ZNF552: variants seen among roughly 807,000 people sequenced by gnomAD.
ZNF552 encodes zinc finger protein 552.
Under a neutral mutation model 7.2 loss-of-function variants are expected in ZNF552, and 2 were observed. The ratio of observed to expected loss-of-function variants is 0.28; its 90% CI spans 0.11 to 0.88. The LOEUF (loss-of-function observed/expected upper bound fraction) is 0.88, where lower values mean the gene tolerates loss of function less well. Ranked by LOEUF, ZNF552 falls within the 40% of genes least tolerant of loss-of-function variation. ZNF552 has a pLI of 0.60. For synonymous variants in ZNF552, 173 were observed against 176.5 expected (o/e 0.98, Z 0.16); for missense variants, 421 against 493.4 (o/e 0.85, Z 1.39).
chr19:57,812,463 G>A (rs1307812209), intron 2 of ZNF552, among the ~76,000 whole-genome samples: 3 of 152,070 alleles, frequency 2.0e-5, no homozygotes, highest in Non-Finnish European at 4.4e-5. Flanking sequence ...CCAAGTACAT[G>A]AGACATACAT....
At chr19:57,809,682 C>T (rs961745049) in intron 2 of ZNF552, among the ~76,000 whole-genome samples, 4 of 151,458 alleles carry the variant, frequency 2.6e-5, no homozygotes, top group African/African-American at 9.7e-5. Context: ...AGGAGTACAA[C>T]TGACAATTCT....
At chr19:57,814,434 C>A (rs1432669770) in intron 1 of ZNF552, 20 of 1,323,638 alleles carry the variant, frequency 1.5e-5, no homozygotes, top group Non-Finnish European at 2.1e-5. Context: ...AGGAGGAGTT[C>A]CGCCTCACAG....
chr19:57,813,083 T>G, intron 2 of ZNF552: 1 of 727,608 alleles, frequency 1.4e-6, no homozygotes, highest in South Asian at 3.1e-5. Flanking sequence ...GTAAGACTTC[T>G]GACTCTGAAT....
chr19:57,813,325 C>G lies in ZNF552; in HGVS notation c.129G>C (p.Thr43=), dbSNP rs417518. ...EAQRCLYRDV[T]LENLALMSSL... ...AGGACATAAGTGCCAGGTTCTCCAG[C>G]GTCACATCACGGTACAGGCATCTCT... The change falls in exon 2 of 3, where the codon ACG becomes ACC. Residue 43 remains threonine (T), a synonymous_variant. Coordinates refer to ENST00000391701, the MANE Select transcript of ZNF552 (RefSeq NM_024762.3). 1 of 1,613,980 alleles carries G rather than the reference C, an allele frequency of 6.2e-7. No individual in the cohort carries two copies. Among genetic ancestry groups the G allele is most frequent in the Non-Finnish European group, 8.5e-7 (1 of 1,180,038 alleles).
intron 2 of ZNF552, among the ~76,000 whole-genome samples, chr19:57,812,369 T>G (rs1448096511): frequency 6.6e-6 from 1 of 152,098 alleles, no homozygotes; most frequent in Non-Finnish European, 1.5e-5. Flanking sequence ...GGATGCTATT[T>G]TTCAGGGACT....
At chr19:57,810,188 G>T (rs773267190) in intron 2 of ZNF552, among the ~76,000 whole-genome samples, 16 of 151,842 alleles carry the variant, frequency 1.1e-4, no homozygotes, top group Non-Finnish European at 1.9e-4. Context: ...AGAAGAAAAG[G>T]GCCAGGTGTC....
chr19:57,809,504 A>C (rs1195408225), intron 2 of ZNF552, among the ~76,000 whole-genome samples: 1 of 152,184 alleles, frequency 6.6e-6, no homozygotes, highest in Non-Finnish European at 1.5e-5. Flanking sequence ...ACATTTGCTA[A>C]CACAAAACCT....
chr19:57,814,093 G>A (rs1284495764), intron 1 of ZNF552, among the ~76,000 whole-genome samples: 1 of 152,062 alleles, frequency 6.6e-6, no homozygotes, highest in Non-Finnish European at 1.5e-5. Context: ...AAGGCCTGAG[G>A]GAAGAGGCTG....
chr19:57,808,468 T>G lies in ZNF552; in HGVS notation c.796A>C (p.Lys266Gln), dbSNP rs1987785672. 6.2e-7 allele frequency: 1 copy of G among 1,613,930 alleles called. No homozygotes were observed. Reference protein sequence around the residue: ...SNHQGVHTREKPYTCGICGKL... With the variant: ...SNHQGVHTREQPYTCGICGKL... ...CCACATATCCCACACGTATAAGGTT[T>G]TTCTCTAGTGTGAACTCCTTGATGA... Residue 266 changes from lysine to glutamine, a missense_variant, in exon 3 of 3, where the codon AAA (lysine) becomes CAA (glutamine). Lys to Gln is a moderately conservative substitution (Grantham distance 53). Coordinates refer to ENST00000391701, the MANE Select transcript of ZNF552 (RefSeq NM_024762.3).
chr19:57,813,057 C>A, intron 2 of ZNF552: 1 of 565,146 alleles, frequency 1.8e-6, no homozygotes, highest in Non-Finnish European at 3.0e-6. Context: ...ACAAGGTAGC[C>A]TGCATTAAGT....
rs1482597072 is a variant in ZNF552 at position 57,808,745 on chromosome 19, C to G, written c.519G>C (p.Glu173Asp). 1 of 1,614,160 alleles carries G rather than the reference C, an allele frequency of 6.2e-7. No individual in the cohort carries two copies. The highest frequency in any genetic ancestry group is 1.7e-5 in the Admixed American group (1 of 60,022). Reference sequence around the variant, plus strand: ...ACCTGAGCAAAAAGTCTTTCCCACTCTCACTGAAGACAGATGACTCCCCTG... The same window carrying G: ...ACCTGAGCAAAAAGTCTTTCCCACTGTCACTGAAGACAGATGACTCCCCTG... Reference protein sequence around the residue: ...HVSGESSVFSESGKDFLLRSG... With the variant: ...HVSGESSVFSDSGKDFLLRSG... The change falls in exon 3 of 3, where the codon GAG becomes GAC. Residue 173 changes from glutamate (E) to aspartate (D), a missense_variant. By Grantham distance (45) the Glu-to-Asp change is conservative (BLOSUM62 2). Coordinates refer to ENST00000391701, the MANE Select transcript of ZNF552 (RefSeq NM_024762.3).
intron 1 of ZNF552, 152 bp downstream of exon 1, chr19:57,814,559 G>T (rs995377562): frequency 1.3e-6 from 2 of 1,548,602 alleles, no homozygotes; most frequent in African/African-American, 1.4e-5. Context: ...CGCATCCCAC[G>T]GGTGTCTGAA....
chr19:57,814,378 A>G (rs1568491775), intron 1 of ZNF552: 1 of 775,676 alleles, frequency 1.3e-6, no homozygotes, highest in Non-Finnish European at 2.0e-6. Flanking sequence ...TCCTATTTCT[A>G]GTGTCCTCGC....
At chr19:57,811,728 A>G (rs1315400556) in intron 2 of ZNF552, among the ~76,000 whole-genome samples, 3 of 150,144 alleles carry the variant, frequency 2.0e-5, no homozygotes, top group Admixed American at 2.0e-4. Flanking sequence ...AAAAAAAAAA[A>G]AAAAAAAAAA....
rs1987792860 is a variant in ZNF552, at chr19:57,808,711, G to A, written c.553C>T (p.Leu185Phe). The A allele has an allele frequency of 1.2e-6, 2 of 1,614,190 alleles. No individual in the cohort carries two copies. The highest frequency in any genetic ancestry group is 2.2e-5 in the East Asian group (1 of 44,880). ...GKDFLLRSGL[L>F]QQEATHTGKS... ...CCAGTGTGAGTGGCCTCTTGCTGGA[G>A]TAATCCTGACCTGAGCAAAAAGTCT... is the stretch of plus-strand genomic sequence containing the variant. Residue 185 changes from leucine to phenylalanine, a missense_variant, in exon 3 of 3, where the codon CTC becomes TTC. Coordinates refer to ENST00000391701, the MANE Select transcript of ZNF552 (RefSeq NM_024762.3).
At chr19:57,811,059 G>C (rs1987845511) in intron 2 of ZNF552, among the ~76,000 whole-genome samples, 1 of 152,164 alleles carries the variant, frequency 6.6e-6, no homozygotes, top group African/African-American at 2.4e-5. Context: ...ACATGGTAGA[G>C]ATAATGATCA....
intron 1 of ZNF552, chr19:57,814,327 A>G: frequency 1.6e-6 from 1 of 636,066 alleles, no homozygotes; most frequent in Admixed American, 2.9e-5. Flanking sequence ...GAAACTTTAA[A>G]AGCCTGGACT....
chr19:57,813,177 A>C, intron 2 of ZNF552, 117 bp downstream of exon 2: 1 of 1,523,218 alleles, frequency 6.6e-7, no homozygotes, highest in Non-Finnish European at 8.8e-7. Context: ...CTACCAACCA[A>C]GAACTGAAGT....
chr19:57,807,973 G>A lies in ZNF552; in HGVS notation c.*67C>T. 1 of 1,498,596 alleles carries A rather than the reference G, an allele frequency of 6.7e-7. No homozygotes were observed. Among genetic ancestry groups the A allele is most frequent in the Non-Finnish European group, 9.0e-7 (1 of 1,114,002 alleles). 92.8% of individuals were successfully genotyped at this position (1,498,596 alleles called of 1,614,324 possible). A position where few individuals can be genotyped will look rare whatever the true frequency, so the allele number is the denominator to read the frequency against. ...CTTTGGGTAAACATTTTCCACATTT[G>A]CTGCAATCACAGGATCTTACTCAGG... On this transcript the variant is annotated 3_prime_UTR_variant, in exon 3 of 3. Transcript: ENST00000391701.
Sources: gnomAD v4.1 joint callset for allele counts (sites outside exome capture counted in the v4.1 genomes callset) on GRCh38, gnomAD v4.1.1 for gene constraint, MANE v1.5 for transcripts, NCBI Gene and HGNC (gene_info 2026-07-23, HGNC 2026-07-21) for gene names.